The following GPHN variants were observed in gnomAD, a reference collection of about 807,000 sequenced individuals.
GPHN encodes the protein gephyrin.
GPHN carries 17 observed loss-of-function variants against 95.5 expected under a neutral mutation model. That is an observed-to-expected ratio of 0.18 (90% confidence interval 0.12 to 0.27). GPHN has a LOEUF of 0.27. GPHN is among the 10% of genes least tolerant of loss of function. The pLI is 1.00. For synonymous variants in GPHN, 320 were observed against 322.5 expected (o/e 0.99, Z 0.08); for missense variants, 660 against 978.1 (o/e 0.67, Z 4.34).
chr14:67,469,868 C>A, the GPHN span, among the ~76,000 whole-genome samples: 7 of 152,202 alleles, frequency 4.6e-5, no homozygotes, highest in African/African-American at 1.7e-4. Flanking sequence ...CCCTCAGCCA[C>A]CCTGCTTGGT....
intron 2 of GPHN, among the ~76,000 whole-genome samples, chr14:66,738,860 C>A (rs1162530512): frequency 6.6e-6 from 1 of 152,058 alleles, no homozygotes; most frequent in Non-Finnish European, 1.5e-5. Flanking sequence ...CCACTTTCTC[C>A]TCATGAAATC....
chr14:67,057,762 A>T (rs2075662900), intron 10 of GPHN, among the ~76,000 whole-genome samples: 1 of 149,792 alleles, frequency 6.7e-6, no homozygotes, highest in Non-Finnish European at 1.5e-5. Flanking sequence ...TACATTCTTC[A>T]TGGCAGGATA....
At chr14:66,972,886 C>G (rs1031639093) in intron 9 of GPHN, among the ~76,000 whole-genome samples, 1 of 152,054 alleles carries the variant, frequency 6.6e-6, no homozygotes, top group African/African-American at 2.4e-5. Context: ...GATCTACTGC[C>G]TTAATTTATA....
Position 66,775,947 on chromosome 14 carries a change from C to G in GPHN, c.144-517C>G, listed in dbSNP as rs190036354. On this transcript the variant is annotated intron_variant, in intron 2 of 22. Coordinates refer to ENST00000478722, the MANE Select transcript of GPHN (RefSeq NM_020806.5). ...AATTACGTAAAAAAAGAAGCAGAAT[C>G]AATGTTCGTTCACCAGTTGTAGCAC... Among the ~76,000 whole-genome samples, 3 of 152,218 alleles carry G rather than the reference C, an allele frequency of 2.0e-5. No individual in the cohort carries two copies. The East Asian group carries it at 5.8e-4, about 29-fold the overall frequency.
At chr14:67,681,759 C>CA in the GPHN span, among the ~76,000 whole-genome samples, 2 of 151,594 alleles carry the variant, frequency 1.3e-5, no homozygotes, top group Non-Finnish European at 2.9e-5. Flanking sequence ...GATTCCGTCT[C>CA]AAAAAAATAA....
chr14:67,645,627 T>C, the GPHN span: 4 of 1,611,230 alleles, frequency 2.5e-6, no homozygotes, highest in East Asian at 2.2e-5. Flanking sequence ...TTCAAGATTA[T>C]ACTTGTTCTT....
chr14:66,844,621 G>T (rs1379137992), intron 4 of GPHN, among the ~76,000 whole-genome samples: 1 of 151,932 alleles, frequency 6.6e-6, no homozygotes, highest in Non-Finnish European at 1.5e-5. Flanking sequence ...AGTATGGATG[G>T]GTTTTTATTT....
intron 10 of GPHN, among the ~76,000 whole-genome samples, chr14:67,045,743 ATC>A (rs1326970479): frequency 9.2e-6 from 1 of 108,482 alleles, no homozygotes; most frequent in East Asian, 2.8e-4. Flanking sequence ...CTCTCTGTCC[ATC>A]TCTCTGTCTC....
At chr14:66,754,629 C>A (rs981076395) in intron 2 of GPHN, among the ~76,000 whole-genome samples, 4 of 151,884 alleles carry the variant, frequency 2.6e-5, no homozygotes, top group South Asian at 2.1e-4. Context: ...TTCTACTATT[C>A]TGTAAAATTA....
At chr14:67,585,503 A>G in the GPHN span, 1 of 1,121,114 alleles carries the variant, frequency 8.9e-7, no homozygotes, top group Non-Finnish European at 1.3e-6. Context: ...TCTTTCTCAG[A>G]AAGTTATTAT....
chr14:67,671,879 G>A, the GPHN span, among the ~76,000 whole-genome samples: 498 of 152,212 alleles, frequency 3.3e-3, 3 homozygotes, highest in African/African-American at 0.012. Flanking sequence ...CCACTCTCAG[G>A]ATAACAATCT....
In GPHN at chr14:66,526,204, C is replaced by T. The variant is rs191208141; in HGVS notation, c.64+17613C>T. Among the ~76,000 whole-genome samples the T allele has an allele frequency of 2.2e-4, 33 of 152,116 alleles. 1 individual carries two copies. The highest frequency in any genetic ancestry group is 1.8e-3 in the Admixed American group (28 of 15,284). On this transcript the variant is annotated intron_variant, in intron 1 of 22. Coordinates refer to ENST00000478722, the MANE Select transcript of GPHN (RefSeq NM_020806.5). ...TCTCCTTAAAGAGGTCCTTCACATCCGTTGTAAGTTGTATTCCTAGGTATT... is the reference window on the plus strand; with the variant it reads ...TCTCCTTAAAGAGGTCCTTCACATCTGTTGTAAGTTGTATTCCTAGGTATT...
the GPHN span, among the ~76,000 whole-genome samples, chr14:67,550,143 C>T: frequency 1.5e-5 from 2 of 135,188 alleles, no homozygotes; most frequent in Admixed American, 1.6e-4. Context: ...TTTAATTGAA[C>T]AAAAGATCTG....
At chr14:67,429,947 A>G in the GPHN span, among the ~76,000 whole-genome samples, 1 of 152,178 alleles carries the variant, frequency 6.6e-6, no homozygotes, top group African/African-American at 2.4e-5. Flanking sequence ...AAGAGATTCC[A>G]AGAGATTAAG....
At chr14:67,427,465 C>T in the GPHN span, among the ~76,000 whole-genome samples, 6 of 152,136 alleles carry the variant, frequency 3.9e-5, no homozygotes, top group Admixed American at 3.9e-4. Flanking sequence ...AAGCAGGCCA[C>T]CTTTGTCAGG....
At chr14:66,801,614 C>T in intron 3 of GPHN, among the ~76,000 whole-genome samples, 1 of 141,448 alleles carries the variant, frequency 7.1e-6, no homozygotes, top group African/African-American at 2.6e-5. Context: ...TCTCTCTCCT[C>T]CCCTCCCCCC....
At chr14:67,331,005 C>T in the GPHN span, among the ~76,000 whole-genome samples, 1 of 151,892 alleles carries the variant, frequency 6.6e-6, no homozygotes, top group African/African-American at 2.4e-5. Context: ...GATGGTGTAT[C>T]TGATTGTATT....
chr14:66,832,669 A>T (rs1566992944), intron 4 of GPHN, among the ~76,000 whole-genome samples: 1 of 152,160 alleles, frequency 6.6e-6, no homozygotes, highest in Admixed American at 6.6e-5. Context: ...TCAATGTAAC[A>T]AATATTTATG....
chr14:67,629,185 A>G, the GPHN span, among the ~76,000 whole-genome samples: 2 of 152,054 alleles, frequency 1.3e-5, no homozygotes, highest in Non-Finnish European at 2.9e-5. Flanking sequence ...GGGGGAAAAA[A>G]ATTAGCCAGG....
Sources: allele counts gnomAD v4.1 joint callset (sites outside exome capture counted in the v4.1 genomes callset), GRCh38; gene constraint gnomAD v4.1.1; transcripts MANE v1.5; gene names NCBI Gene and HGNC (gene_info 2026-07-23, HGNC 2026-07-21).